The following CNTN5 variants were observed in gnomAD, a reference collection of about 807,000 sequenced individuals.
CNTN5 encodes the protein contactin 5.
In CNTN5, 77 loss-of-function variants were observed where a neutral mutation model predicts 129.1. That is an observed-to-expected ratio of 0.60 (90% CI 0.50 to 0.72). The LOEUF is 0.72. Ranked by LOEUF, CNTN5 falls within the 30% of genes least tolerant of loss-of-function variation. CNTN5 has a pLI of 0.00. For synonymous variants in CNTN5, 509 were observed against 465.6 expected (o/e 1.09, Z -1.20); for missense variants, 1,478 against 1,328.8 (o/e 1.11, Z -1.75).
At chr11:99,080,991 T>TTTTTTG (rs1865769595) in intron 1 of CNTN5, among the ~76,000 whole-genome samples, 1 of 151,386 alleles carries the variant, frequency 6.6e-6, no homozygotes, top group Non-Finnish European at 1.5e-5. Flanking sequence ...TTTTTTTTTT[T>TTTTTTG]TTTTTTTTCA....
rs528385822 is a variant in CNTN5, at chr11:99,812,530, T to G, written c.56-7014T>G. ...ATAGTTTCAACTGTTTTCTGTATAT[T>G]ACTTTATTTGATCTTTACAACAATC... is the stretch of plus-strand genomic sequence containing the variant. On this transcript the variant is annotated intron_variant, in intron 3 of 24. Transcript: ENST00000524871. 3.0e-4 allele frequency among the ~76,000 whole-genome samples: 45 copies of G among 152,290 alleles called. 1 individual carries two copies. In the South Asian group the frequency reaches 3.9e-3, roughly 13 times the overall value.
intron 2 of CNTN5, among the ~76,000 whole-genome samples, chr11:99,527,510 G>T (rs889082463): frequency 1.3e-5 from 2 of 152,098 alleles, no homozygotes; most frequent in Non-Finnish European, 2.9e-5. Flanking sequence ...GCAGAGAAAA[G>T]CTACATACCA....
chr11:100,082,494 G>A (rs1944403143), intron 13 of CNTN5, among the ~76,000 whole-genome samples: 1 of 152,064 alleles, frequency 6.6e-6, no homozygotes, highest in African/African-American at 2.4e-5. Flanking sequence ...GTCTCACCAT[G>A]TTGCCCAAGC....
At chr11:99,182,341 T>C (rs1343050953) in intron 1 of CNTN5, among the ~76,000 whole-genome samples, 2 of 152,222 alleles carry the variant, frequency 1.3e-5, no homozygotes, top group Non-Finnish European at 2.9e-5. Flanking sequence ...GAAGCACTAT[T>C]GAATGTTGTA....
chr11:100,300,987 C>T (rs1450497486), intron 20 of CNTN5, among the ~76,000 whole-genome samples: 1 of 151,536 alleles, frequency 6.6e-6, no homozygotes, highest in East Asian at 1.9e-4. Context: ...GTGACAGTTA[C>T]AAGAAATGAT....
chr11:99,187,790 T>C lies in CNTN5; in HGVS notation c.-209-137556T>C, dbSNP rs551857206. Among the ~76,000 whole-genome samples, 302 of 151,940 alleles carry C rather than the reference T, an allele frequency of 2.0e-3. 1 individual carries two copies. Among genetic ancestry groups the C allele is most frequent in the African/African-American group, 7.0e-3 (292 of 41,540 alleles). Reference sequence around the variant, plus strand: ...AAATTGGTGAGTTGTTTATAGTTTTTTGGGACTTTTTACCTTAATTTTATT... The same window carrying C: ...AAATTGGTGAGTTGTTTATAGTTTTCTGGGACTTTTTACCTTAATTTTATT... On this transcript the variant is annotated intron_variant, in intron 1 of 24. Transcript: ENST00000524871.
At chr11:99,501,488 G>T (rs1946425550) in intron 2 of CNTN5, among the ~76,000 whole-genome samples, 1 of 152,140 alleles carries the variant, frequency 6.6e-6, no homozygotes, top group South Asian at 2.1e-4. Flanking sequence ...AAATGTACAT[G>T]CATCCTTCAA....
intron 8 of CNTN5, among the ~76,000 whole-genome samples, chr11:99,961,136 C>T (rs1451908940): frequency 7.5e-6 from 1 of 133,876 alleles, no homozygotes; most frequent in Non-Finnish European, 1.5e-5. Flanking sequence ...ACCCGGGAGG[C>T]GGATGCTGCA....
At chr11:99,557,784 G>T (rs1339721667) in intron 3 of CNTN5, among the ~76,000 whole-genome samples, 1 of 151,460 alleles carries the variant, frequency 6.6e-6, no homozygotes, top group Non-Finnish European at 1.5e-5. Flanking sequence ...AAATCTAAAA[G>T]AATTTCTTTA....
chr11:99,852,645 T>A (rs1003093303), intron 6 of CNTN5, among the ~76,000 whole-genome samples: 5 of 152,200 alleles, frequency 3.3e-5, no homozygotes, highest in Admixed American at 3.3e-4. Flanking sequence ...CATGAATAAC[T>A]CTGTCTTTAT....
intron 6 of CNTN5, among the ~76,000 whole-genome samples, chr11:99,873,895 T>C (rs926245555): frequency 6.6e-6 from 1 of 152,090 alleles, no homozygotes; most frequent in Admixed American, 6.6e-5. Context: ...AAAAGAATGA[T>C]ATCATATCCT....
chr11:100,191,926 A>T (rs1939713), intron 14 of CNTN5, among the ~76,000 whole-genome samples: 114,882 of 151,388 alleles, frequency 0.76, 43,725 homozygotes, highest in East Asian at 0.89. Context: ...TTTCACATTG[A>T]GTCTTTAATT....
chr11:99,136,203 A>G (rs1331320354), intron 1 of CNTN5, among the ~76,000 whole-genome samples: 1 of 152,054 alleles, frequency 6.6e-6, no homozygotes, highest in African/African-American at 2.4e-5. Context: ...CTCTCACTTG[A>G]CAATCTTGTG....
At chr11:100,137,225 G>T (rs1348461490) in intron 13 of CNTN5, among the ~76,000 whole-genome samples, 2 of 151,984 alleles carry the variant, frequency 1.3e-5, no homozygotes, top group African/African-American at 4.8e-5. Context: ...AAAATAAAAT[G>T]TAAATATCAA....
At chr11:99,501,843 A>G (rs965858789) in intron 2 of CNTN5, among the ~76,000 whole-genome samples, 1 of 152,166 alleles carries the variant, frequency 6.6e-6, no homozygotes. Flanking sequence ...ACCTGTCAGT[A>G]TTTTCAGTAT....
intron 13 of CNTN5, among the ~76,000 whole-genome samples, chr11:100,190,400 T>C (rs1229571705): frequency 6.6e-6 from 1 of 152,166 alleles, no homozygotes; most frequent in Non-Finnish European, 1.5e-5. Flanking sequence ...TGTATAATCC[T>C]GGAATAAATA....
intron 23 of CNTN5, among the ~76,000 whole-genome samples, chr11:100,341,869 CTT>C (rs1183813608): frequency 6.6e-6 from 1 of 151,684 alleles, no homozygotes; most frequent in African/African-American, 2.4e-5. Context: ...TTGCATTAAA[CTT>C]CACACAGAAT....
intron 2 of CNTN5, among the ~76,000 whole-genome samples, chr11:99,511,381 A>G (rs529980678): frequency 3.6e-4 from 54 of 152,100 alleles, no homozygotes; most frequent in Non-Finnish European, 7.1e-4. Context: ...CCTGAGTTCT[A>G]GTTTGATTGC....
intron 3 of CNTN5, among the ~76,000 whole-genome samples, chr11:99,625,626 C>T (rs1951097832): frequency 6.6e-6 from 1 of 152,020 alleles, no homozygotes; most frequent in South Asian, 2.1e-4. Context: ...ATTTTCATTT[C>T]TCCAGAAATT....
Sources: gnomAD v4.1 joint callset for allele counts (sites outside exome capture counted in the v4.1 genomes callset) on GRCh38, gnomAD v4.1.1 for gene constraint, MANE v1.5 for transcripts, NCBI Gene and HGNC (gene_info 2026-07-23, HGNC 2026-07-21) for gene names.